PDE8B: variants seen among roughly 807,000 people sequenced by gnomAD.
The protein encoded by PDE8B is high affinity cAMP-specific and IBMX-insensitive 3',5'-cyclic phosphodiesterase 8B.
PDE8B carries 26 observed loss-of-function variants against 101.3 expected under a neutral mutation model. The ratio of observed to expected loss-of-function variants is 0.26; its 90% CI spans 0.19 to 0.36. The LOEUF is 0.36. Ranked by LOEUF, PDE8B falls within the 10% of genes least tolerant of loss-of-function variation. The pLI, the probability that PDE8B is intolerant of heterozygous loss-of-function variation, is 1.00. For synonymous variants in PDE8B, 424 were observed against 429.3 expected (o/e 0.99, Z 0.15); for missense variants, 810 against 1,163.1 (o/e 0.70, Z 4.42).
the PDE8B span, chr5:77,144,869 T>C: frequency 6.6e-6 from 1 of 152,112 alleles, no homozygotes; most frequent in East Asian, 1.9e-4. Flanking sequence ...ATTAAATTCT[T>C]CAATGTCTGA....
chr5:77,098,813 G>C, the PDE8B span: 1 of 152,180 alleles, frequency 6.6e-6, no homozygotes, highest in South Asian at 2.1e-4. Flanking sequence ...GAGAGGGAGA[G>C]GGAGAGGGGG....
At chr5:77,399,286 G>T (rs1237349422) in intron 10 of PDE8B, among the ~76,000 whole-genome samples, 1 of 152,248 alleles carries the variant, frequency 6.6e-6, no homozygotes, top group African/African-American at 2.4e-5. Flanking sequence ...CGGAACTGGG[G>T]TTAATCAGAA....
At chr5:77,167,945 G>A in the PDE8B span, among the ~76,000 whole-genome samples, 1 of 152,178 alleles carries the variant, frequency 6.6e-6, no homozygotes, top group Middle Eastern at 3.4e-3. Flanking sequence ...GGGGTAACAT[G>A]AGCCAAATGT....
chr5:77,357,091 G>A (rs1377468326), intron 10 of PDE8B, among the ~76,000 whole-genome samples: 1 of 152,130 alleles, frequency 6.6e-6, no homozygotes, highest in African/African-American at 2.4e-5. Flanking sequence ...GAGATGCAGG[G>A]CCCCTTTCAA....
At chr5:77,251,691 C>T (rs1186447444) in intron 1 of PDE8B, among the ~76,000 whole-genome samples, 1 of 152,136 alleles carries the variant, frequency 6.6e-6, no homozygotes, top group African/African-American at 2.4e-5. Context: ...CACCGCATCG[C>T]TCTCTCTCTT....
intron 10 of PDE8B, among the ~76,000 whole-genome samples, chr5:77,396,581 G>A (rs899857428): frequency 1.3e-5 from 2 of 152,036 alleles, no homozygotes; most frequent in Non-Finnish European, 2.9e-5. Context: ...CCACGTGGCC[G>A]CCCAGGAATC....
chr5:77,200,028 T>TA, the PDE8B span, among the ~76,000 whole-genome samples: 21,852 of 141,218 alleles, frequency 0.15, 1,718 homozygotes, highest in East Asian at 0.37. Flanking sequence ...CTCTATATAG[T>TA]AAAAAAAAAA....
the PDE8B span, among the ~76,000 whole-genome samples, chr5:77,123,603 C>G: frequency 1.3e-5 from 2 of 151,936 alleles, no homozygotes; most frequent in Non-Finnish European, 2.9e-5. Flanking sequence ...ACAAAAAATA[C>G]AAAAAATTAG....
chr5:77,139,495 G>A, the PDE8B span: 3 of 152,222 alleles, frequency 2.0e-5, no homozygotes, highest in Non-Finnish European at 4.4e-5. Context: ...AGGAATTCCT[G>A]TCTTGTCAAA....
chr5:77,331,270 G>A (rs1245116038), intron 4 of PDE8B, 132 bp from the exon 5 acceptor site: 32 of 799,192 alleles, frequency 4.0e-5, no homozygotes, highest in East Asian at 3.2e-4. Flanking sequence ...GGTGTGCCCC[G>A]TGGGCACGTG....
At chr5:77,251,592 A>G (rs1198238530) in intron 1 of PDE8B, among the ~76,000 whole-genome samples, 1 of 152,096 alleles carries the variant, frequency 6.6e-6, no homozygotes, top group Non-Finnish European at 1.5e-5. Context: ...TTCAGTTATG[A>G]CTTCTTCCCA....
At chr5:77,147,042 G>T in the PDE8B span, 1 of 450,764 alleles carries the variant, frequency 2.2e-6, no homozygotes, top group South Asian at 1.7e-5. Flanking sequence ...ATATGAAAAG[G>T]ATATTGCCTC....
chr5:77,196,288 C>T, the PDE8B span, among the ~76,000 whole-genome samples: 1 of 152,018 alleles, frequency 6.6e-6, no homozygotes, highest in African/African-American at 2.4e-5. Context: ...TGATGAAGTC[C>T]AGTTTAGTTT....
chr5:77,225,361 G>T (rs1222929817), intron 1 of PDE8B, among the ~76,000 whole-genome samples: 2 of 152,212 alleles, frequency 1.3e-5, no homozygotes, highest in Non-Finnish European at 2.9e-5. Context: ...GTCCATTGCA[G>T]TTATTGTCCT....
chr5:77,275,498 C>T (rs1386482612), intron 1 of PDE8B, among the ~76,000 whole-genome samples: 1 of 152,194 alleles, frequency 6.6e-6, no homozygotes, highest in Non-Finnish European at 1.5e-5. Flanking sequence ...GGGTGCAACA[C>T]ACCAGTAGGA....
At chr5:77,307,567 C>T (rs944214866) in intron 1 of PDE8B, among the ~76,000 whole-genome samples, 1 of 151,984 alleles carries the variant, frequency 6.6e-6, no homozygotes, top group Admixed American at 6.6e-5. Flanking sequence ...ATTTATACCA[C>T]GGAAGTCAAC....
chr5:77,087,229 C>G, the PDE8B span: 1 of 152,366 alleles, frequency 6.6e-6, no homozygotes, highest in African/African-American at 2.4e-5. Context: ...GCGCGTGCCC[C>G]TTAAAGACAC....
chr5:77,423,049 CCA>C (rs1392318897), intron 20 of PDE8B, among the ~76,000 whole-genome samples: 3 of 152,180 alleles, frequency 2.0e-5, no homozygotes. Context: ...GTCTACTGTT[CCA>C]GTTTCTGCCA....
intron 20 of PDE8B, 102 bp from the exon 21 acceptor site, chr5:77,425,665 T>C: frequency 8.3e-7 from 1 of 1,202,998 alleles, no homozygotes; most frequent in Non-Finnish European, 1.2e-6. Context: ...TTGAGAAAAC[T>C]GGATAATGAC....
Sources: gnomAD v4.1 joint callset for allele counts (sites outside exome capture counted in the v4.1 genomes callset) on GRCh38, gnomAD v4.1.1 for gene constraint, MANE v1.5 for transcripts, NCBI Gene and HGNC (gene_info 2026-07-23, HGNC 2026-07-21) for gene names.